Variants in CADM2 observed in about 807,000 individuals in gnomAD.
CADM2 encodes immunoglobulin superfamily member 4D.
CADM2 carries 12 observed loss-of-function variants against 49.8 expected under a neutral mutation model. That is an observed-to-expected ratio of 0.24 (90% confidence interval 0.15 to 0.39). The LOEUF is 0.39. CADM2 is among the 10% of genes least tolerant of loss of function. The pLI, the probability that CADM2 is intolerant of heterozygous loss-of-function variation, is 1.00. For synonymous variants in CADM2, 214 were observed against 175.4 expected, an observed-to-expected ratio of 1.22 and a Z score of -1.74; for missense variants, 378 against 492.3, an observed-to-expected ratio of 0.77 and a Z score of 2.20.
chr3:85,201,639 G>T (rs1337149780), intron 1 of CADM2, among the ~76,000 whole-genome samples: 1 of 152,152 alleles, frequency 6.6e-6, no homozygotes, highest in Non-Finnish European at 1.5e-5. Flanking sequence ...TTTAGAAACT[G>T]GAGTCAATCC....
At chr3:85,938,528 T>A (rs1437980690) in intron 7 of CADM2, among the ~76,000 whole-genome samples, 1 of 151,448 alleles carries the variant, frequency 6.6e-6, no homozygotes, top group Admixed American at 6.6e-5. Flanking sequence ...TAATGGGGAG[T>A]CTTGCATATT....
intron 1 of CADM2, among the ~76,000 whole-genome samples, chr3:85,554,829 C>G (rs1306818960): frequency 6.7e-6 from 1 of 148,928 alleles, no homozygotes; most frequent in Non-Finnish European, 1.5e-5. Context: ...TACAGGTGGG[C>G]ACCACCATGC....
chr3:84,991,364 G>C (rs1459060162), intron 1 of CADM2, among the ~76,000 whole-genome samples: 2 of 152,018 alleles, frequency 1.3e-5, no homozygotes, highest in African/African-American at 4.8e-5. Context: ...AATGAGCTGG[G>C]GGCAAAATTG....
chr3:85,977,134 T>C (rs1726887098), intron 8 of CADM2, among the ~76,000 whole-genome samples: 1 of 151,024 alleles, frequency 6.6e-6, no homozygotes, highest in African/African-American at 2.4e-5. Context: ...ATAATAATAA[T>C]AATTATTATT....
At chr3:85,214,631 T>A (rs765527007) in intron 1 of CADM2, among the ~76,000 whole-genome samples, 39 of 151,846 alleles carry the variant, frequency 2.6e-4, no homozygotes, top group Non-Finnish European at 5.1e-4. Context: ...TACCTGGAAC[T>A]CTATTCTACT....
At chr3:86,055,472 T>TTG (rs1553730564) in intron 8 of CADM2, among the ~76,000 whole-genome samples, 28 of 132,774 alleles carry the variant, frequency 2.1e-4, no homozygotes, top group African/African-American at 4.9e-4. Context: ...TTTTTTTTTT[T>TTG]TTTTTTTGGT....
At chr3:85,633,545 C>G (rs1219092316) in intron 1 of CADM2, among the ~76,000 whole-genome samples, 2 of 151,980 alleles carry the variant, frequency 1.3e-5, no homozygotes, top group Non-Finnish European at 2.9e-5. Context: ...CCAATTAGAT[C>G]TGAATTTTTA....
In CADM2 at chr3:86,017,984, G is replaced by A. The variant is rs371746149; in HGVS notation, c.971-47621G>A. On this transcript the variant is annotated intron_variant, in intron 8 of 9. Transcript: ENST00000383699. ...GCTGGTGCGCTGCACCCACTAACTC[G>A]TCATCTAGCATTAGGTATATCTCCC... 1.4e-4 allele frequency among the ~76,000 whole-genome samples: 19 copies of A among 131,188 alleles called. No homozygotes were observed. In the East Asian group the frequency reaches 3.0e-3, roughly 20 times the overall value. 86.1% of individuals were successfully genotyped at this position (131,188 alleles called of 152,430 possible).
chr3:85,549,693 A>C (rs1395388024), intron 1 of CADM2, among the ~76,000 whole-genome samples: 1 of 152,028 alleles, frequency 6.6e-6, no homozygotes, highest in Admixed American at 6.6e-5. Context: ...GTACTATTTC[A>C]GCTCACTACA....
chr3:85,948,224 T>A (rs991572063), intron 7 of CADM2, among the ~76,000 whole-genome samples: 29 of 151,552 alleles, frequency 1.9e-4, no homozygotes, highest in Non-Finnish European at 3.8e-4. Flanking sequence ...AAATGAATAA[T>A]CACTCAACAT....
intron 1 of CADM2, among the ~76,000 whole-genome samples, chr3:85,500,505 A>C (rs1419711732): frequency 2.0e-5 from 3 of 151,082 alleles, no homozygotes; most frequent in South Asian, 4.2e-4. Flanking sequence ...TTTCTGATAT[A>C]TTTTTTCATA....
intron 8 of CADM2, among the ~76,000 whole-genome samples, chr3:85,996,925 A>G (rs1005891102): frequency 1.3e-5 from 2 of 152,160 alleles, no homozygotes; most frequent in Non-Finnish European, 2.9e-5. Flanking sequence ...ACACTTCTTC[A>G]TCATTCCTAC....
intron 3 of CADM2, among the ~76,000 whole-genome samples, chr3:85,866,842 C>T (rs1187297844): frequency 3.3e-5 from 5 of 152,046 alleles, no homozygotes; most frequent in African/African-American, 9.7e-5. Context: ...TACACACATA[C>T]GCAAACACAC....
At chr3:85,158,445 T>A (rs1171009141) in intron 1 of CADM2, among the ~76,000 whole-genome samples, 4 of 152,190 alleles carry the variant, frequency 2.6e-5, no homozygotes, top group Non-Finnish European at 5.9e-5. Context: ...CCAACCCAAA[T>A]GTCCAACAAT....
chr3:86,018,611 C>A (rs966741623), intron 8 of CADM2, among the ~76,000 whole-genome samples: 1 of 152,192 alleles, frequency 6.6e-6, no homozygotes, highest in African/African-American at 2.4e-5. Context: ...TTTTGATTTG[C>A]ATTTCTTGAT....
intron 1 of CADM2, among the ~76,000 whole-genome samples, chr3:85,316,895 G>A (rs767593806): frequency 6.6e-6 from 1 of 152,158 alleles, no homozygotes; most frequent in Non-Finnish European, 1.5e-5. Flanking sequence ...GAAGGGCACA[G>A]TGGTTCCAGG....
intron 1 of CADM2, among the ~76,000 whole-genome samples, chr3:85,637,202 T>G (rs2064519744): frequency 6.6e-6 from 1 of 152,234 alleles, no homozygotes; most frequent in South Asian, 2.1e-4. Context: ...ATCCTCATGT[T>G]GATACTATAT....
intron 1 of CADM2, among the ~76,000 whole-genome samples, chr3:85,061,806 T>A (rs1159800549): frequency 6.6e-6 from 1 of 152,120 alleles, no homozygotes; most frequent in Non-Finnish European, 1.5e-5. Flanking sequence ...GATATATACA[T>A]ATATACACAT....
rs185146495 is a variant in CADM2, at chr3:85,673,640, A to C, written c.62-52882A>C. Among the ~76,000 whole-genome samples, 324 of 152,220 alleles carry C rather than the reference A, an allele frequency of 2.1e-3. 1 individual carries two copies. The highest frequency in any genetic ancestry group is 2.0e-3 in the Non-Finnish European group (134 of 68,004). On this transcript the variant is annotated intron_variant, in intron 1 of 9. Coordinates refer to ENST00000383699, the MANE Select transcript of CADM2 (RefSeq NM_001167675.2). ...GAGAGCTTGTAAGTAAGATGTTAAC[A>C]GGAAGGAAGCAAGGACAGAAGGGAG...
Sources: allele counts gnomAD v4.1 joint callset (sites outside exome capture counted in the v4.1 genomes callset), GRCh38; gene constraint gnomAD v4.1.1; transcripts MANE v1.5; gene names NCBI Gene and HGNC (gene_info 2026-07-23, HGNC 2026-07-21).